Variants in DSTYK observed in about 807,000 individuals in gnomAD.
The protein encoded by DSTYK is RIP-homologous kinase.
Under a neutral mutation model 98.7 loss-of-function variants are expected in DSTYK, and 34 were observed. The ratio of observed to expected loss-of-function variants is 0.34; its 90% confidence interval spans 0.26 to 0.46. The LOEUF (loss-of-function observed/expected upper bound fraction) is 0.46. Ranked by LOEUF, DSTYK falls within the 20% of genes least tolerant of loss-of-function variation. The pLI, the probability that DSTYK is intolerant of heterozygous loss-of-function variation, is 1.00. For missense variants in DSTYK, 962 were observed against 1,181.7 expected, an observed-to-expected ratio of 0.81 and a Z score of 2.73; for synonymous variants, 462 against 457.3, an observed-to-expected ratio of 1.01 and a Z score of -0.13.
At chr1:205,181,653 GGTTTGT>G (rs1394890610) in intron 2 of DSTYK, among the ~76,000 whole-genome samples, 37 of 84,044 alleles carry the variant, frequency 4.4e-4, no homozygotes, top group Middle Eastern at 5.9e-3. Context: ...CAGATGTTGG[GGTTTGT>G]GTGTGTGTGT....
intron 2 of DSTYK, among the ~76,000 whole-genome samples, chr1:205,175,926 C>T (rs968224648): frequency 6.6e-6 from 1 of 152,202 alleles, no homozygotes; most frequent in Non-Finnish European, 1.5e-5. Flanking sequence ...TTTCAACTCC[C>T]ATCCCACACA....
intron 3 of DSTYK, 27 bp from the exon 4 acceptor site, chr1:205,163,982 T>C (rs1302021081): frequency 6.3e-7 from 1 of 1,595,144 alleles, no homozygotes; most frequent in Non-Finnish European, 8.6e-7. Context: ...ATAAGCTGAA[T>C]AGTTGTGAGG....
In DSTYK at chr1:205,147,475, T is replaced by A; in HGVS notation, c.*83A>T. On this transcript the variant is annotated 3_prime_UTR_variant, in exon 13 of 13. Coordinates refer to ENST00000367162, the MANE Select transcript of DSTYK (RefSeq NM_015375.3). ...GTTCCCTTGGGAGTGTGTCCTATAG[T>A]GAATAAATGTCAAATTCTCCCCATG... is the stretch of plus-strand genomic sequence containing the variant. The A allele has an allele frequency of 6.8e-7, 1 of 1,473,082 alleles. No individual in the cohort carries two copies. Among genetic ancestry groups the A allele is most frequent in the South Asian group, 1.3e-5 (1 of 78,838 alleles). The allele number at this position is 1,473,082 out of a possible 1,614,324, so 91.3% of individuals were successfully genotyped here.
rs769315184 is a variant in DSTYK, at chr1:205,161,284, C to T, written c.1922G>A (p.Cys641Tyr). The change falls in exon 7 of 13, where the codon TGT becomes TAT. Residue 641 changes from cysteine (C) to tyrosine (Y), a missense_variant. By Grantham distance (194) the Cys-to-Tyr change is radical (BLOSUM62 -2). Around this residue, in one of 4 missense-constraint regions of DSTYK, gnomAD observed 660 missense variants for 855.0 expected, o/e 0.77. Coordinates refer to ENST00000367162, the MANE Select transcript of DSTYK (RefSeq NM_015375.3). The stretch of plus-strand genomic sequence containing the variant: ...ATGAAGCAAGACATCCTGTAAAGAA[C>T]AGCTTTCCAGAGAAAGGCGGGCCAG... ...PRLARLSLES[C>Y]SLQDVLLHRK... The T allele has an allele frequency of 8.1e-6, 13 of 1,614,112 alleles. No homozygotes were observed. The highest frequency in any genetic ancestry group is 7.6e-6 in the Non-Finnish European group (9 of 1,179,984).
intron 2 of DSTYK, among the ~76,000 whole-genome samples, chr1:205,174,840 C>T (rs1193474562): frequency 1.2e-4 from 17 of 147,094 alleles, no homozygotes; most frequent in Admixed American, 8.9e-4. Flanking sequence ...CAGGTTCAAG[C>T]GATTCTCCTG....
chr1:205,209,538 T>C (rs538490668), intron 1 of DSTYK, among the ~76,000 whole-genome samples: 1 of 152,102 alleles, frequency 6.6e-6, no homozygotes, highest in East Asian at 1.9e-4. Context: ...ACTAAGATCA[T>C]GACAGGGTCC....
Position 205,169,274 on chromosome 1 carries a change from A to G in DSTYK, c.1213T>C (p.Leu405=). 1 of 1,614,142 alleles carries G rather than the reference A, an allele frequency of 6.2e-7. No individual in the cohort carries two copies. Among genetic ancestry groups the G allele is most frequent in the Non-Finnish European group, 8.5e-7 (1 of 1,180,026 alleles). The change falls in exon 3 of 13, where the codon TTG becomes CTG. Residue 405 remains leucine, a synonymous_variant. Transcript: ENST00000367162. This position sits in a 1 kb window ranked among gnomAD's most constrained non-coding sequence, Gnocchi z 4.0. The part of the protein sequence containing the change: ...RKKENELYES[L]MNIANRKQEE... ...TGCTTTCGGTTGGCAATATTCATCA[A>G]TGATTCATACAACTCATTCTCCTTT... is the stretch of plus-strand genomic sequence containing the variant.
chr1:205,170,658 C>T (rs1431555481), intron 2 of DSTYK, among the ~76,000 whole-genome samples: 2 of 152,156 alleles, frequency 1.3e-5, no homozygotes, highest in South Asian at 2.1e-4. Flanking sequence ...GGAATATGAT[C>T]GATCACTTGG....
intron 2 of DSTYK, among the ~76,000 whole-genome samples, chr1:205,171,715 C>T (rs1458854692): frequency 1.3e-5 from 2 of 152,110 alleles, no homozygotes; most frequent in Non-Finnish European, 2.9e-5. Context: ...TAATATATTA[C>T]CACTGTAGGT....
intron 11 of DSTYK, among the ~76,000 whole-genome samples, chr1:205,148,731 A>T (rs1173653197): frequency 6.6e-6 from 1 of 152,154 alleles, no homozygotes; most frequent in Non-Finnish European, 1.5e-5. Flanking sequence ...AAGAGTCTGG[A>T]TTCAGTGAGA....
rs559636939 is a variant in DSTYK at position 205,211,430 on chromosome 1, G to T, written c.106C>A (p.Arg36Ser). The change falls in exon 1 of 13, where the codon CGC becomes AGC. Residue 36 changes from arginine (R) to serine (S), a missense_variant. Physicochemically the swap from Arg to Ser is moderately radical, Grantham distance 110. Transcript: ENST00000367162. ...TTCTGTCGCAGCCGTCCCAGGTAGCGGCGGTAGCGGCCGAAGCCCCGGCAC... is the reference window on the plus strand; with the variant it reads ...TTCTGTCGCAGCCGTCCCAGGTAGCTGCGGTAGCGGCCGAAGCCCCGGCAC... ...ELCRGFGRYR[R>S]YLGRLRQNLR... The T allele has an allele frequency of 6.2e-7, 1 of 1,606,552 alleles. No individual in the cohort carries two copies. Among genetic ancestry groups the T allele is most frequent in the African/African-American group, 1.3e-5 (1 of 74,880 alleles).
At chr1:205,192,659 C>G (rs189379313) in intron 1 of DSTYK, among the ~76,000 whole-genome samples, 1 of 152,014 alleles carries the variant, frequency 6.6e-6, no homozygotes, top group African/African-American at 2.4e-5. Flanking sequence ...GTCAGGAGTT[C>G]GAGACCAGCC....
At chr1:205,200,304 C>G (rs1005461032) in intron 1 of DSTYK, among the ~76,000 whole-genome samples, 115 of 152,228 alleles carry the variant, frequency 7.6e-4, no homozygotes, top group Non-Finnish European at 4.3e-4. Context: ...TCCCAAAGTG[C>G]TGGGATTATA....
rs765604172 is a variant in DSTYK, at chr1:205,161,952, T to G, written c.1818+84A>C. ...CACAGACACACACACATATTATATA[T>G]GAAGAGCGGAGAGCGAAATATTCCC... On this transcript the variant is annotated intron_variant, in intron 6 of 12. Coordinates refer to ENST00000367162, the MANE Select transcript of DSTYK (RefSeq NM_015375.3). The G allele has an allele frequency of 6.4e-5, 86 of 1,352,008 alleles. 1 individual carries two copies. Among genetic ancestry groups the G allele is most frequent in the Non-Finnish European group, 8.5e-5 (83 of 981,566 alleles). 83.8% of individuals were successfully genotyped at this position (1,352,008 alleles called of 1,614,324 possible). A position where few individuals can be genotyped will look rare whatever the true frequency, so the allele number is the denominator to read the frequency against.
chr1:205,170,469 G>C (rs1025406942), intron 2 of DSTYK, among the ~76,000 whole-genome samples: 2 of 152,110 alleles, frequency 1.3e-5, no homozygotes, highest in South Asian at 4.1e-4. Flanking sequence ...GCAGGGACTG[G>C]GTCTATTTTG....
At chr1:205,159,911 A>G (rs1227785223) in intron 8 of DSTYK, 2 of 795,208 alleles carry the variant, frequency 2.5e-6, no homozygotes, top group African/African-American at 3.5e-5. Flanking sequence ...AGAAAGTTAA[A>G]TGGAATGATG....
intron 1 of DSTYK, among the ~76,000 whole-genome samples, chr1:205,200,852 G>A (rs1460709228): frequency 6.6e-6 from 1 of 152,150 alleles, no homozygotes; most frequent in Non-Finnish European, 1.5e-5. Flanking sequence ...GGCACAGAAT[G>A]CAACTGCACC....
Position 205,145,461 on chromosome 1 carries a change from T to C in DSTYK, c.*2097A>G, listed in dbSNP as rs1574739547. On this transcript the variant is annotated 3_prime_UTR_variant, in exon 13 of 13. Coordinates refer to ENST00000367162, the MANE Select transcript of DSTYK (RefSeq NM_015375.3). Reference sequence around the variant, plus strand: ...TACTCCATTAATATTTAAAAGATGGTCATTCTGTCATAGACAACCCTAGAA... The same window carrying C: ...TACTCCATTAATATTTAAAAGATGGCCATTCTGTCATAGACAACCCTAGAA... 1 of 151,964 alleles carries C rather than the reference T, an allele frequency of 6.6e-6. No individual in the cohort carries two copies. The highest frequency in any genetic ancestry group is 2.4e-5 in the African/African-American group (1 of 41,422). 9.4% of individuals were successfully genotyped at this position (151,964 alleles called of 1,614,324 possible).
At chr1:205,206,143 G>C (rs1247995097) in intron 1 of DSTYK, among the ~76,000 whole-genome samples, 9 of 152,196 alleles carry the variant, frequency 5.9e-5, no homozygotes. Context: ...CTAAGGCCAA[G>C]GCCAATGTCT....
Sources: allele counts gnomAD v4.1 joint callset (sites outside exome capture counted in the v4.1 genomes callset), GRCh38; gene constraint gnomAD v4.1.1; regional missense constraint gnomAD v4.1.1; non-coding constraint Gnocchi (gnomAD v3.1); transcripts MANE v1.5; gene names NCBI Gene and HGNC (gene_info 2026-07-23, HGNC 2026-07-21).